The following STAG1 variants were observed in gnomAD, a reference collection of about 807,000 sequenced individuals.
The protein encoded by STAG1 is cohesin subunit SA-1.
Under a neutral mutation model 170.9 loss-of-function variants are expected in STAG1, and 26 were observed. The ratio of observed to expected loss-of-function variants is 0.15; its 90% CI spans 0.11 to 0.21. The LOEUF is 0.21. Among genes scored for constraint, STAG1 ranks in the 10% least tolerant of loss-of-function variants. STAG1 has a pLI of 1.00. For synonymous variants in STAG1, 514 were observed against 497.7 expected (o/e 1.03, Z -0.44); for missense variants, 964 against 1,509.5 (o/e 0.64, Z 5.99).
chr3:136,549,075 G>A (rs535209769), intron 5 of STAG1, among the ~76,000 whole-genome samples: 3 of 152,032 alleles, frequency 2.0e-5, no homozygotes, highest in South Asian at 2.1e-4. Flanking sequence ...TAAATTACTC[G>A]GTCTCAGATA....
rs1405715100 is a variant in STAG1 at position 136,715,015 on chromosome 3, A to T, written c.-84+37180T>A. 1.4e-4 allele frequency among the ~76,000 whole-genome samples: 16 copies of T among 114,954 alleles called. No homozygotes were observed. The East Asian group carries it at 1.7e-3, about 12-fold the overall frequency. 75.4% of individuals were successfully genotyped at this position (114,954 alleles called of 152,430 possible). ...ATTTTATATATATAATATATATATA[A>T]AATATATATATAAAATAAAAGTCAA... On this transcript the variant is annotated intron_variant, in intron 1 of 33. Coordinates refer to ENST00000383202, the MANE Select transcript of STAG1 (RefSeq NM_005862.3).
chr3:136,571,034 CA>C (rs1379438983), intron 4 of STAG1, among the ~76,000 whole-genome samples: 6 of 152,168 alleles, frequency 3.9e-5, no homozygotes, highest in African/African-American at 1.4e-4. Context: ...GTTAATAGAG[CA>C]GATTAAGAGC....
chr3:136,739,932 G>A (rs975916748), intron 1 of STAG1, among the ~76,000 whole-genome samples: 3 of 151,844 alleles, frequency 2.0e-5, no homozygotes, highest in Non-Finnish European at 4.4e-5. Flanking sequence ...ACCTTATGAC[G>A]CCAACAATAA....
At chr3:136,614,688 G>A (rs1939493104) in intron 3 of STAG1, among the ~76,000 whole-genome samples, 2 of 152,130 alleles carry the variant, frequency 1.3e-5, no homozygotes, top group Non-Finnish European at 2.9e-5. Flanking sequence ...AATTAGCCCT[G>A]CTGTGTAGGA....
chr3:136,641,534 C>T (rs1337860900), intron 1 of STAG1, among the ~76,000 whole-genome samples: 2 of 152,150 alleles, frequency 1.3e-5, no homozygotes, highest in African/African-American at 2.4e-5. Flanking sequence ...GCCAAAAATG[C>T]ATAACCTGAA....
chr3:136,355,121 G>A (rs111261066), intron 28 of STAG1, among the ~76,000 whole-genome samples: 11 of 152,058 alleles, frequency 7.2e-5, no homozygotes, highest in Non-Finnish European at 1.5e-4. Flanking sequence ...GGGAGGCCGA[G>A]GTGGGCAGAT....
At chr3:136,421,204 A>C in intron 19 of STAG1, 41 bp from the exon 20 acceptor site, 1 of 1,355,594 alleles carries the variant, frequency 7.4e-7, no homozygotes, top group Non-Finnish European at 1.0e-6. Flanking sequence ...AACTTTACTC[A>C]CCTTATAGTA....
chr3:136,359,025 T>C (rs1224301528), intron 27 of STAG1, 123 bp downstream of exon 27: 1 of 806,230 alleles, frequency 1.2e-6, no homozygotes, highest in African/African-American at 1.8e-5. Flanking sequence ...ATCTCTAAAC[T>C]AATCTCCAAA....
chr3:136,576,551 TTC>T (rs995560360), intron 4 of STAG1, among the ~76,000 whole-genome samples: 1 of 152,232 alleles, frequency 6.6e-6, no homozygotes, highest in African/African-American at 2.4e-5. Context: ...AAAATTAATA[TTC>T]TGTCTTGTTC....
chr3:136,544,303 C>T (rs147516183), intron 5 of STAG1, among the ~76,000 whole-genome samples: 2 of 152,162 alleles, frequency 1.3e-5, no homozygotes, highest in Non-Finnish European at 2.9e-5. Context: ...ATTTTCAATT[C>T]TCCTCCTCTA....
At chr3:136,433,702 C>T (rs1478983251) in intron 15 of STAG1, 43 bp from the exon 16 acceptor site, 4 of 1,315,356 alleles carry the variant, frequency 3.0e-6, no homozygotes, top group Non-Finnish European at 3.3e-6. Context: ...GACAGTTTTA[C>T]AACAACCATG....
At chr3:136,656,560 C>T (rs545025808) in intron 1 of STAG1, among the ~76,000 whole-genome samples, 3 of 150,578 alleles carry the variant, frequency 2.0e-5, no homozygotes, top group African/African-American at 7.4e-5. Flanking sequence ...TATAACCACA[C>T]AAAACAACAA....
At chr3:136,380,070 C>T (rs957966588) in intron 22 of STAG1, among the ~76,000 whole-genome samples, 1 of 152,168 alleles carries the variant, frequency 6.6e-6, no homozygotes, top group African/African-American at 2.4e-5. Context: ...ATTTCACCAT[C>T]ACCCTACAAA....
At chr3:136,712,329 T>C (rs1408743558) in intron 1 of STAG1, among the ~76,000 whole-genome samples, 1 of 152,124 alleles carries the variant, frequency 6.6e-6, no homozygotes, top group African/African-American at 2.4e-5. Flanking sequence ...AGAGAACTTT[T>C]CTGCACCAAA....
intron 15 of STAG1, among the ~76,000 whole-genome samples, chr3:136,439,491 T>C (rs892433851): frequency 6.6e-6 from 1 of 150,912 alleles, no homozygotes; most frequent in Admixed American, 6.6e-5. Flanking sequence ...CTGATGTTGG[T>C]AGTCTGTCAC....
At chr3:136,472,617 T>C (rs2089654317) in intron 11 of STAG1, 125 bp from the exon 12 acceptor site, 3 of 600,726 alleles carry the variant, frequency 5.0e-6, no homozygotes, top group Non-Finnish European at 8.8e-6. Flanking sequence ...AGCTTTACTC[T>C]TGAAACTGCA....
At chr3:136,486,140 G>T (rs1409380896) in intron 9 of STAG1, among the ~76,000 whole-genome samples, 1 of 152,180 alleles carries the variant, frequency 6.6e-6, no homozygotes, top group East Asian at 1.9e-4. Context: ...CATGTAGTAG[G>T]CAAGTAAGTA....
intron 1 of STAG1, among the ~76,000 whole-genome samples, chr3:136,734,091 T>C (rs910239899): frequency 2.1e-5 from 3 of 140,698 alleles, no homozygotes; most frequent in African/African-American, 7.7e-5. Context: ...TGGGAGACAG[T>C]GCGAGAGACT....
At chr3:136,641,413 A>ACCGT (rs1329532563) in intron 1 of STAG1, among the ~76,000 whole-genome samples, 3 of 152,154 alleles carry the variant, frequency 2.0e-5, no homozygotes, top group Non-Finnish European at 4.4e-5. Flanking sequence ...AATCCAGCAG[A>ACCGT]CCCCTCCATA....
Sources: gnomAD v4.1 joint callset for allele counts (sites outside exome capture counted in the v4.1 genomes callset) on GRCh38, gnomAD v4.1.1 for gene constraint, MANE v1.5 for transcripts, NCBI Gene and HGNC (gene_info 2026-07-23, HGNC 2026-07-21) for gene names.